The following GPR107 variants were observed in gnomAD, a reference collection of about 807,000 sequenced individuals.
The protein encoded by GPR107 is protein GPR107.
In GPR107, 31 loss-of-function variants were observed where a neutral mutation model predicts 75.5. The observed-to-expected ratio is 0.41, with a 90% CI of 0.31 to 0.55. GPR107 has a LOEUF of 0.55. Ranked by LOEUF, GPR107 falls within the 20% of genes least tolerant of loss-of-function variation. The probability of loss-of-function intolerance (pLI) is 0.26; values close to 1 mark genes in which losing one functional copy is unlikely to be tolerated. For synonymous variants in GPR107, 267 were observed against 251.3 expected (o/e 1.06, Z -0.59); for missense variants, 572 against 665.7 (o/e 0.86, Z 1.55).
chr9:130,132,597 G>A (rs999053529), intron 17 of GPR107, among the ~76,000 whole-genome samples: 10 of 152,052 alleles, frequency 6.6e-5, no homozygotes, highest in Non-Finnish European at 1.3e-4. Flanking sequence ...GACCAGTCTC[G>A]CCAACATGGT....
intron 1 of GPR107, among the ~76,000 whole-genome samples, chr9:130,071,178 C>T (rs1265922175): frequency 1.3e-5 from 2 of 150,998 alleles, no homozygotes; most frequent in Non-Finnish European, 3.0e-5. Context: ...TAGGATGCCA[C>T]CACAACTGGC....
At chr9:130,062,211 G>A (rs1453576962) in intron 1 of GPR107, among the ~76,000 whole-genome samples, 3 of 151,702 alleles carry the variant, frequency 2.0e-5, no homozygotes, top group African/African-American at 4.8e-5. Flanking sequence ...GGTCGGGTTT[G>A]AGACCAGCCT....
chr9:130,079,835 ATT>A, intron 5 of GPR107, 66 bp downstream of exon 5: 1 of 1,072,446 alleles, frequency 9.3e-7, no homozygotes, highest in Non-Finnish European at 1.3e-6. Context: ...TTTGTTCCTA[ATT>A]AAAAGTAAAA....
In GPR107 at chr9:130,127,638, G is replaced by A; in HGVS notation, c.1440+72G>A. 3.7e-6 allele frequency: 3 copies of A among 813,356 alleles called. No homozygotes were observed. The Admixed American group carries it at 5.9e-5, about 16-fold the overall frequency. 50.4% of individuals were successfully genotyped at this position (813,356 alleles called of 1,614,324 possible). A position where few individuals can be genotyped will look rare whatever the true frequency, so the allele number is the denominator to read the frequency against. On this transcript the variant is annotated intron_variant, in intron 16 of 17. Transcript: ENST00000347136. Reference sequence around the variant, plus strand: ...TAAAGTCTTGAAGTGTAACTTAACAGTTGTTACTAATTTATCTGGGAATGA... The same window carrying A: ...TAAAGTCTTGAAGTGTAACTTAACAATTGTTACTAATTTATCTGGGAATGA...
At chr9:130,086,544 T>A in intron 7 of GPR107, 68 bp downstream of exon 7, 3 of 912,428 alleles carry the variant, frequency 3.3e-6, no homozygotes, top group Non-Finnish European at 3.6e-6. Flanking sequence ...AATTTTTTTT[T>A]AGAGGAATTT....
intron 14 of GPR107, among the ~76,000 whole-genome samples, chr9:130,110,150 G>A (rs547321978): frequency 1.3e-5 from 2 of 152,244 alleles, no homozygotes; most frequent in Admixed American, 6.5e-5. Context: ...GTGTGGGGTG[G>A]CTGTGGTGAC....
rs949642056 is a variant in GPR107 at position 130,075,704 on chromosome 9, T to C, written c.210T>C (p.Asn70=). The change falls in exon 2 of 18, where the codon AAT becomes AAC. Residue 70 remains asparagine, a synonymous_variant. Transcript: ENST00000347136. ...GFFKDGYMVV[N]VSSLSLNEPE... The stretch of plus-strand genomic sequence containing the variant: ...TCAAGGATGGGTACATGGTGGTGAA[T>C]GTCAGTAGCCTCTCACTGAATGAGC... 7 of 1,607,626 alleles carry C rather than the reference T, an allele frequency of 4.4e-6. No individual in the cohort carries two copies. The East Asian group carries it at 1.3e-4, about 31-fold the overall frequency.
In GPR107 at chr9:130,104,541, C is replaced by T; in HGVS notation, c.1253C>T (p.Pro418Leu). The change falls in exon 13 of 18, where the codon CCA becomes CTA. Residue 418 changes from proline to leucine, a missense_variant. Pro to Leu is a moderately conservative substitution (Grantham distance 98, BLOSUM62 -3). Coordinates refer to ENST00000347136, the MANE Select transcript of GPR107 (RefSeq NM_020960.5). ...DLLCCGAILF[P>L]VVWSIRHLQE... ...TTGTGTTGTGGTGCCATCCTCTTCC[C>T]AGTGGTGTGGTGAGTAGCTCACAGG... 1.2e-6 allele frequency: 2 copies of T among 1,613,816 alleles called. No individual in the cohort carries two copies. Among genetic ancestry groups the T allele is most frequent in the Non-Finnish European group, 1.7e-6 (2 of 1,179,756 alleles).
chr9:130,062,446 TAATA>T (rs939710655), intron 1 of GPR107, among the ~76,000 whole-genome samples: 1 of 148,836 alleles, frequency 6.7e-6, no homozygotes, highest in Non-Finnish European at 1.5e-5. Context: ...ATAATAATAA[TAATA>T]ATAATAATAG....
intron 1 of GPR107, among the ~76,000 whole-genome samples, chr9:130,063,577 C>T (rs2132538638): frequency 6.6e-6 from 1 of 151,978 alleles, no homozygotes; most frequent in Middle Eastern, 3.4e-3. Context: ...TTCAAGTTTC[C>T]ACACTCCACA....
In GPR107 at chr9:130,112,667, T is replaced by A. The variant is rs1327568338; in HGVS notation, c.1306+5128T>A. ...GCTGCTGGGCCTGAAGTGTGATGGGTGTGGCCTTGAGGGAAAGTACGTGTG... is the reference window on the plus strand; with the variant it reads ...GCTGCTGGGCCTGAAGTGTGATGGGAGTGGCCTTGAGGGAAAGTACGTGTG... On this transcript the variant is annotated intron_variant, in intron 14 of 17. Coordinates refer to ENST00000347136, the MANE Select transcript of GPR107 (RefSeq NM_020960.5). This position sits in a 1 kb window ranked among gnomAD's most constrained non-coding sequence, Gnocchi z 4.0. Among the ~76,000 whole-genome samples the A allele has an allele frequency of 2.0e-5, 3 of 152,196 alleles. No individual in the cohort carries two copies. The East Asian group carries it at 5.8e-4, about 29-fold the overall frequency.
In GPR107 at chr9:130,087,558, A is replaced by G. The variant is rs577297014; in HGVS notation, c.621+1082A>G. ...GTAGATGCTTACAGTCCCAGCTACT[A>G]GGGAGGCTAAGGTGGGAGGATCACT... On this transcript the variant is annotated intron_variant, in intron 7 of 17. Coordinates refer to ENST00000347136, the MANE Select transcript of GPR107 (RefSeq NM_020960.5). Among the ~76,000 whole-genome samples the G allele has an allele frequency of 1.2e-3, 175 of 151,922 alleles. 1 individual carries two copies. In the Middle Eastern group the frequency reaches 0.014, roughly 12 times the overall value.
intron 1 of GPR107, among the ~76,000 whole-genome samples, chr9:130,074,165 A>G (rs1830284531): frequency 6.6e-6 from 1 of 152,168 alleles, no homozygotes; most frequent in Non-Finnish European, 1.5e-5. Context: ...CCCATAATCT[A>G]GGGCTGTCAA....
At chr9:130,062,672 T>G (rs557779012) in intron 1 of GPR107, among the ~76,000 whole-genome samples, 39 of 141,314 alleles carry the variant, frequency 2.8e-4, no homozygotes, top group African/African-American at 9.9e-4. Context: ...CTTCCTTCCT[T>G]CCTTCCTTCC....
chr9:130,054,883 C>A (rs1175619440), intron 1 of GPR107, among the ~76,000 whole-genome samples: 4 of 152,090 alleles, frequency 2.6e-5, no homozygotes, highest in Admixed American at 6.6e-5. Context: ...TCGAGACCAG[C>A]CTAGTCAACG....
intron 1 of GPR107, among the ~76,000 whole-genome samples, chr9:130,073,907 C>G (rs1286747230): frequency 1.3e-5 from 2 of 152,308 alleles, no homozygotes; most frequent in East Asian, 1.9e-4. Flanking sequence ...AGGCATGTGC[C>G]ACAATGCCCG....
chr9:130,099,153 T>C (rs1038602684), intron 9 of GPR107, among the ~76,000 whole-genome samples: 1 of 151,956 alleles, frequency 6.6e-6, no homozygotes, highest in South Asian at 2.1e-4. Flanking sequence ...GTATAAAAAA[T>C]ACAAAACAAA....
At chr9:130,066,400 G>A (rs200109013) in intron 1 of GPR107, among the ~76,000 whole-genome samples, 1 of 29,514 alleles carries the variant, frequency 3.4e-5, no homozygotes, top group African/African-American at 6.1e-5. Flanking sequence ...GATGATGATG[G>A]TGATGATGAC....
At chr9:130,107,766 A>G (rs947974697) in intron 14 of GPR107, among the ~76,000 whole-genome samples, 1 of 152,182 alleles carries the variant, frequency 6.6e-6, no homozygotes, top group African/African-American at 2.4e-5. Flanking sequence ...GCTGCTTATT[A>G]AGATGATTCA....
Sources: gnomAD v4.1 joint callset for allele counts (sites outside exome capture counted in the v4.1 genomes callset) on GRCh38, gnomAD v4.1.1 for gene constraint, Gnocchi (gnomAD v3.1) non-coding constraint, MANE v1.5 for transcripts, NCBI Gene and HGNC (gene_info 2026-07-23, HGNC 2026-07-21) for gene names.